DSC2: variants seen among roughly 807,000 people sequenced by gnomAD.
DSC2 encodes desmocollin-2.
Under a neutral mutation model 87.6 loss-of-function variants are expected in DSC2, and 51 were observed. That is an observed-to-expected ratio of 0.58 (90% CI 0.46 to 0.74). DSC2 has a LOEUF of 0.74. DSC2 is among the 30% of genes least tolerant of loss of function. The probability of loss-of-function intolerance (pLI) is 0.00; values close to 1 mark genes in which losing one functional copy is unlikely to be tolerated. For synonymous variants in DSC2, 383 were observed against 393.2 expected (o/e 0.97, Z 0.31); for missense variants, 1,066 against 1,089.5 (o/e 0.98, Z 0.30).
chr18:31,082,197 T>A (rs1274077445), intron 9 of DSC2, 41 bp downstream of exon 9: 1 of 1,561,266 alleles, frequency 6.4e-7, no homozygotes, highest in Non-Finnish European at 8.8e-7. Context: ...TGCTATTCTA[T>A]GATATTATAA....
chr18:31,079,716 T>C, intron 11 of DSC2, 131 bp downstream of exon 11: 1 of 1,018,906 alleles, frequency 9.8e-7, no homozygotes, highest in Admixed American at 2.1e-5. Context: ...AGTAAACCTC[T>C]TACTTTATAT....
chr18:31,075,042 G>A (rs1039769573), intron 11 of DSC2, 135 bp from the exon 12 acceptor site: 1 of 912,532 alleles, frequency 1.1e-6, no homozygotes, highest in African/African-American at 1.7e-5. Flanking sequence ...CACAAGCTAT[G>A]TCCTCAGGGA....
In DSC2 at chr18:31,087,711, C is replaced by T. The variant is rs1329910012; in HGVS notation, c.733G>A (p.Glu245Lys). 1 of 1,613,642 alleles carries T rather than the reference C, an allele frequency of 6.2e-7. No individual in the cohort carries two copies. Among genetic ancestry groups the T allele is most frequent in the Admixed American group, 1.7e-5 (1 of 60,006 alleles). ...AAAATTGTAAAAGTATAAGTTTCTT[C>T]TGTAAAAATTGGGTAGTTATCATTT... ...DENDNYPIFT[E>K]ETYTFTIFEN... is the part of the protein sequence containing the mutation. Residue 245 changes from glutamate to lysine, a missense_variant, in exon 6 of 16, where the codon GAA (glutamate) becomes AAA (lysine). Coordinates refer to ENST00000280904, the MANE Select transcript of DSC2 (RefSeq NM_024422.6).
intron 1 of DSC2, among the ~76,000 whole-genome samples, chr18:31,097,423 C>CA (rs1487590592): frequency 1.3e-5 from 2 of 151,212 alleles, no homozygotes; most frequent in African/African-American, 2.4e-5. Context: ...AGTACACTTG[C>CA]AAAAAAAGAA....
intron 5 of DSC2, among the ~76,000 whole-genome samples, chr18:31,088,349 A>G (rs890508762): frequency 1.3e-5 from 2 of 152,190 alleles, no homozygotes; most frequent in Non-Finnish European, 2.9e-5. Context: ...AAATGAAACA[A>G]ATGAATGGTG....
chr18:31,076,914 A>G (rs932619027), intron 11 of DSC2, among the ~76,000 whole-genome samples: 4 of 152,220 alleles, frequency 2.6e-5, no homozygotes, highest in African/African-American at 9.6e-5. Flanking sequence ...ATACCAGAAG[A>G]TAATGGGTTA....
intron 12 of DSC2, among the ~76,000 whole-genome samples, chr18:31,072,514 G>A (rs4799304): frequency 0.12 from 18,552 of 152,176 alleles, 1,255 homozygotes; most frequent in East Asian, 0.18. Context: ...TGGCTTTTAT[G>A]GTGCATAAGC....
rs149316362 is a variant in DSC2 at position 31,080,214 on chromosome 18, C to T, written c.1402G>A (p.Gly468Ser). Residue 468 changes from glycine (G) to serine (S), a missense_variant, in exon 10 of 16, where the codon GGC (glycine) becomes AGC (serine). Transcript: ENST00000280904. ...VTVNVEDQDEGPECNPPIQTV... is the reference protein window; with the variant it reads ...VTVNVEDQDESPECNPPIQTV... Reference sequence around the variant, plus strand: ...TGTATTGGAGGGTTACACTCAGGGCCCTCATCCTGATCTTCTACATTAACA... The same window carrying T: ...TGTATTGGAGGGTTACACTCAGGGCTCTCATCCTGATCTTCTACATTAACA... 2 of 1,613,934 alleles carry T rather than the reference C, an allele frequency of 1.2e-6. No individual in the cohort carries two copies. The highest frequency in any genetic ancestry group is 2.7e-5 in the African/African-American group (2 of 74,896).
chr18:31,079,749 G>C, intron 11 of DSC2, 98 bp downstream of exon 11: 1 of 1,372,578 alleles, frequency 7.3e-7, no homozygotes, highest in Non-Finnish European at 1.0e-6. Flanking sequence ...TGAAAACAGA[G>C]TGCATGTATC....
chr18:31,085,052 G>C (rs1193731011), intron 7 of DSC2, among the ~76,000 whole-genome samples: 2 of 152,018 alleles, frequency 1.3e-5, no homozygotes, highest in African/African-American at 4.8e-5. Context: ...AGTACAAAAG[G>C]TCATTGTTGA....
At chr18:31,098,487 C>A (rs1040971355) in intron 1 of DSC2, among the ~76,000 whole-genome samples, 2 of 151,932 alleles carry the variant, frequency 1.3e-5, no homozygotes, top group African/African-American at 4.8e-5. Flanking sequence ...CAGAGTCTTG[C>A]TCTGTTGTCC....
At chr18:31,087,835 G>C (rs376022774) in intron 5 of DSC2, 22 bp from the exon 6 acceptor site, 1 of 1,612,414 alleles carries the variant, frequency 6.2e-7, no homozygotes, top group African/African-American at 1.3e-5. Flanking sequence ...GTAAAATAAG[G>C]AGAAAAGTGA....
In DSC2 at chr18:31,062,800, G is replaced by A. The variant is rs1986526288; in HGVS notation, c.*5215C>T. The A allele has an allele frequency of 6.6e-6, 1 of 152,052 alleles. No individual in the cohort carries two copies. Among genetic ancestry groups the A allele is most frequent in the South Asian group, 2.1e-4 (1 of 4,812 alleles). The allele number at this position is 152,052 out of a possible 1,614,324, so 9.4% of individuals were successfully genotyped here. A position where few individuals can be genotyped will look rare whatever the true frequency, so the allele number is the denominator to read the frequency against. On this transcript the variant is annotated 3_prime_UTR_variant, in exon 16 of 16. Transcript: ENST00000280904. ...TGTCTGCCCCTCTCACTATCCCAAG[G>A]GAGAAGGGATTCCAAAATCTCAACA...
intron 12 of DSC2, among the ~76,000 whole-genome samples, chr18:31,072,387 G>GC: frequency 6.6e-6 from 1 of 152,306 alleles, no homozygotes; most frequent in Non-Finnish European, 1.5e-5. Context: ...AGCTGCAGCT[G>GC]CATCTCCTGG....
At chr18:31,100,693 T>C (rs1987912591) in intron 1 of DSC2, among the ~76,000 whole-genome samples, 1 of 151,928 alleles carries the variant, frequency 6.6e-6, no homozygotes, top group Non-Finnish European at 1.5e-5. Flanking sequence ...GAAGGGGAAA[T>C]TATACGAATA....
In DSC2 at chr18:31,065,362, C is replaced by T. The variant is rs9962842; in HGVS notation, c.*2653G>A. 1.3e-5 allele frequency: 2 copies of T among 152,268 alleles called. No homozygotes were observed. The highest frequency in any genetic ancestry group is 6.5e-5 in the Admixed American group (1 of 15,276). 9.4% of individuals were successfully genotyped at this position (152,268 alleles called of 1,614,324 possible). On this transcript the variant is annotated 3_prime_UTR_variant, in exon 16 of 16. Transcript: ENST00000280904. ...TAGAACAATAGCAGTGGCTAAGGTA[C>T]ATGATTGAGTGCTAACTCTATGCCA...
At position 31,071,694 on chromosome 18, in the gene DSC2, T is replaced by C. The variant is rs145710244; in HGVS notation, c.2036A>G (p.His679Arg). Residue 679 changes from histidine (H) to arginine (R), a missense_variant, in exon 13 of 16, where the codon CAT becomes CGT. His to Arg is a conservative substitution (Grantham distance 29, BLOSUM62 0). Coordinates refer to ENST00000280904, the MANE Select transcript of DSC2 (RefSeq NM_024422.6). ...ACCGCCAATCCTTGGATCTACACGA[T>C]GTGTGCAGTCATTTTCGGTAATGCA... is the stretch of plus-strand genomic sequence containing the variant. ...CDCITENDCT[H>R]RVDPRIGGGG... 5 of 1,614,038 alleles carry C rather than the reference T, an allele frequency of 3.1e-6. No homozygotes were observed. Among genetic ancestry groups the C allele is most frequent in the African/African-American group, 2.7e-5 (2 of 74,926 alleles).
chr18:31,083,827 G>C (rs1167965505), intron 7 of DSC2, among the ~76,000 whole-genome samples: 3 of 152,140 alleles, frequency 2.0e-5, no homozygotes, highest in Non-Finnish European at 4.4e-5. Context: ...ATATTTTAAA[G>C]TGTTTCTCCT....
Position 31,080,290 on chromosome 18 carries a change from T to C in DSC2, c.1326A>G (p.Pro442=). 6.2e-7 allele frequency: 1 copy of C among 1,614,036 alleles called. No individual in the cohort carries two copies. The highest frequency in any genetic ancestry group is 8.5e-7 in the Non-Finnish European group (1 of 1,179,986). ...ILQIGVVNEA[P]FSREASPRSA... is the part of the protein sequence containing the mutation. Reference sequence around the variant, plus strand: ...ATCTTGGACTAGCCTCTCTGGAAAATGGAGCTTCATTAACTACACCAATTT... The same window carrying C: ...ATCTTGGACTAGCCTCTCTGGAAAACGGAGCTTCATTAACTACACCAATTT... The change falls in exon 10 of 16, where the codon CCA becomes CCG. Residue 442 remains proline (P), a synonymous_variant. Coordinates refer to ENST00000280904, the MANE Select transcript of DSC2 (RefSeq NM_024422.6).
Sources: allele counts gnomAD v4.1 joint callset (sites outside exome capture counted in the v4.1 genomes callset), GRCh38; gene constraint gnomAD v4.1.1; transcripts MANE v1.5; gene names NCBI Gene and HGNC (gene_info 2026-07-23, HGNC 2026-07-21).